OPCML: variants seen among roughly 807,000 people sequenced by gnomAD.
OPCML encodes opioid-binding protein/cell adhesion molecule.
Under a neutral mutation model 37.8 loss-of-function variants are expected in OPCML, and 13 were observed. The ratio of observed to expected loss-of-function variants is 0.34; its 90% confidence interval spans 0.22 to 0.55. The LOEUF (loss-of-function observed/expected upper bound fraction) is 0.55. OPCML is among the 20% of genes least tolerant of loss of function. The pLI is 0.91. For missense variants in OPCML, 341 were observed against 435.6 expected, an observed-to-expected ratio of 0.78 and a Z score of 1.93; for synonymous variants, 176 against 168.8, an observed-to-expected ratio of 1.04 and a Z score of -0.33.
intron 1 of OPCML, chr11:133,118,450 A>T (rs1949370369): frequency 1.0e-6 from 1 of 981,524 alleles, no homozygotes; most frequent in Non-Finnish European, 1.2e-6. Context: ...ATTAAAGTGG[A>T]CTGAAAACTG....
intron 1 of OPCML, among the ~76,000 whole-genome samples, chr11:133,140,919 AGACGACGACGAC>A (rs1220767440): frequency 5.7e-5 from 1 of 17,606 alleles, no homozygotes; most frequent in African/African-American, 1.1e-4. Flanking sequence ...AAGAAGAAGA[AGACGACGACGAC>A]GAAGAAGAAG....
chr11:133,236,770 T>C (rs1022701977), intron 1 of OPCML, among the ~76,000 whole-genome samples: 14 of 152,252 alleles, frequency 9.2e-5, no homozygotes, highest in Admixed American at 7.8e-4. Context: ...TACAAGTTAC[T>C]TCCTCCTTCC....
At chr11:132,633,491 G>A (rs1940283607) in intron 3 of OPCML, among the ~76,000 whole-genome samples, 1 of 152,086 alleles carries the variant, frequency 6.6e-6, no homozygotes, top group South Asian at 2.1e-4. Context: ...GTAAGCAAAT[G>A]GGCATCCCAA....
At position 133,227,549 on chromosome 11, in the gene OPCML, A is replaced by C. The variant is rs11820398; in HGVS notation, c.62-284539T>G. Among the ~76,000 whole-genome samples, 354 of 152,198 alleles carry C rather than the reference A, an allele frequency of 2.3e-3. 1 individual carries two copies. The highest frequency in any genetic ancestry group is 8.3e-3 in the African/African-American group (345 of 41,514). ...GGGAGAGGCTGCTGAGCTCTTTAAT[A>C]CCGAAACTTTAAATATACCGGTGGC... On this transcript the variant is annotated intron_variant, in intron 1 of 7. Coordinates refer to ENST00000524381, the MANE Select transcript of OPCML (RefSeq NM_001012393.5).
At chr11:132,966,582 G>A (rs541230099) in intron 1 of OPCML, among the ~76,000 whole-genome samples, 7 of 151,982 alleles carry the variant, frequency 4.6e-5, no homozygotes, top group Admixed American at 3.3e-4. Flanking sequence ...GTTCATAATG[G>A]TGTTCTTATC....
intron 1 of OPCML, among the ~76,000 whole-genome samples, chr11:133,460,104 CA>C (rs1253952281): frequency 6.6e-6 from 1 of 151,884 alleles, no homozygotes; most frequent in Non-Finnish European, 1.5e-5. Context: ...AGTTCATCAA[CA>C]TACCTTTAAA....
At chr11:133,011,609 T>C (rs1337255016) in intron 1 of OPCML, among the ~76,000 whole-genome samples, 1 of 152,064 alleles carries the variant, frequency 6.6e-6, no homozygotes, top group African/African-American at 2.4e-5. Flanking sequence ...TTTTTTTTTT[T>C]TCCAGGTATA....
intron 2 of OPCML, among the ~76,000 whole-genome samples, chr11:132,723,311 C>A (rs1565808560): frequency 6.6e-6 from 1 of 152,328 alleles, no homozygotes; most frequent in African/African-American, 2.4e-5. Flanking sequence ...TAACTTCACA[C>A]ATTAGGTGAG....
intron 1 of OPCML, among the ~76,000 whole-genome samples, chr11:132,979,191 C>T (rs923227566): frequency 7.2e-5 from 11 of 152,130 alleles, no homozygotes; most frequent in Middle Eastern, 3.2e-3. Context: ...GTCTCACACC[C>T]GGATCACTCC....
intron 1 of OPCML, among the ~76,000 whole-genome samples, chr11:133,056,579 T>A (rs1948243164): frequency 6.6e-6 from 1 of 152,218 alleles, no homozygotes; most frequent in Non-Finnish European, 1.5e-5. Flanking sequence ...TTTTTACAGA[T>A]GAAGCAACAT....
At chr11:132,863,857 G>T (rs1240571880) in intron 2 of OPCML, among the ~76,000 whole-genome samples, 1 of 152,286 alleles carries the variant, frequency 6.6e-6, no homozygotes, top group East Asian at 1.9e-4. Context: ...CTACATGGTT[G>T]TGTATAATTT....
chr11:132,526,904 T>C (rs2096309996), intron 4 of OPCML, among the ~76,000 whole-genome samples: 2 of 152,292 alleles, frequency 1.3e-5, no homozygotes, highest in African/African-American at 4.8e-5. Context: ...ATCCCTACCC[T>C]AGGTAACCAC....
At chr11:132,870,354 A>C (rs1341832988) in intron 2 of OPCML, among the ~76,000 whole-genome samples, 1 of 152,206 alleles carries the variant, frequency 6.6e-6, no homozygotes, top group Non-Finnish European at 1.5e-5. Context: ...AAAAAGATGA[A>C]GGATAACACA....
intron 2 of OPCML, among the ~76,000 whole-genome samples, chr11:132,931,485 A>G (rs1945200703): frequency 6.6e-6 from 1 of 152,210 alleles, no homozygotes; most frequent in South Asian, 2.1e-4. Flanking sequence ...GAAACAATCC[A>G]GTTTAAAAAT....
Position 133,198,085 on chromosome 11 carries a change from A to G in OPCML, c.62-255075T>C, listed in dbSNP as rs536764178. The stretch of plus-strand genomic sequence containing the variant: ...AAAATAAATGAAATGATATTTTTCA[A>G]CCTTCCTAGAATAAACAAAAACTCA... On this transcript the variant is annotated intron_variant, in intron 1 of 7. Coordinates refer to ENST00000524381, the MANE Select transcript of OPCML (RefSeq NM_001012393.5). Among the ~76,000 whole-genome samples, 4 of 152,346 alleles carry G rather than the reference A, an allele frequency of 2.6e-5. No individual in the cohort carries two copies. In the South Asian group the frequency reaches 6.2e-4, roughly 24 times the overall value.
At position 133,432,523 on chromosome 11, in the gene OPCML, G is replaced by A. The variant is rs114616799; in HGVS notation, c.61+99741C>T. Among the ~76,000 whole-genome samples the A allele has an allele frequency of 2.5e-3, 377 of 152,168 alleles. 3 individuals are homozygous for A. The highest frequency in any genetic ancestry group is 8.6e-3 in the African/African-American group (356 of 41,508). ...CCCAAGTAGCTGGGATTATAGGCAC[G>A]AGCCACCATGCCCAGTTTTTTGTAT... On this transcript the variant is annotated intron_variant, in intron 1 of 7. Coordinates refer to ENST00000524381, the MANE Select transcript of OPCML (RefSeq NM_001012393.5).
At chr11:132,657,527 C>A in intron 2 of OPCML, 1 of 641,524 alleles carries the variant, frequency 1.6e-6, no homozygotes, top group African/African-American at 2.0e-5. Flanking sequence ...AATACAAAAT[C>A]ATTTCTATTT....
intron 1 of OPCML, among the ~76,000 whole-genome samples, chr11:133,389,803 G>A (rs900450750): frequency 1.3e-5 from 2 of 152,136 alleles, no homozygotes; most frequent in Admixed American, 1.3e-4. Flanking sequence ...TGTTGTCTCA[G>A]GGACTTTCAT....
chr11:132,960,257 T>C (rs1278556867), intron 1 of OPCML, among the ~76,000 whole-genome samples: 1 of 152,110 alleles, frequency 6.6e-6, no homozygotes, highest in Non-Finnish European at 1.5e-5. Flanking sequence ...CAAGATAAGA[T>C]TAGAATATCA....
Sources: gnomAD v4.1 joint callset for allele counts (sites outside exome capture counted in the v4.1 genomes callset) on GRCh38, gnomAD v4.1.1 for gene constraint, MANE v1.5 for transcripts, NCBI Gene and HGNC (gene_info 2026-07-23, HGNC 2026-07-21) for gene names.